TCF4: variants seen among roughly 807,000 people sequenced by gnomAD.
TCF4 encodes SL3-3 enhancer factor 2.
TCF4 carries 3 observed loss-of-function variants against 82.1 expected under a neutral mutation model. That is an observed-to-expected ratio of 0.04 (90% CI 0.02 to 0.09). TCF4 has a LOEUF of 0.09. TCF4 is among the 10% of genes least tolerant of loss of function. The pLI, the probability that TCF4 is intolerant of heterozygous loss-of-function variation, is 1.00. For synonymous variants in TCF4, 276 were observed against 309.6 expected, an observed-to-expected ratio of 0.89 and a Z score of 1.14; for missense variants, 518 against 852.7, an observed-to-expected ratio of 0.61 and a Z score of 4.89.
chr18:55,259,333 G>A (rs2057544049), intron 13 of TCF4, among the ~76,000 whole-genome samples: 2 of 152,088 alleles, frequency 1.3e-5, no homozygotes, highest in Admixed American at 1.3e-4. Flanking sequence ...ACGGACCCCT[G>A]AAAAGTGAAA....
intron 5 of TCF4, among the ~76,000 whole-genome samples, chr18:55,457,639 C>T (rs2095790738): frequency 6.6e-6 from 1 of 152,142 alleles, no homozygotes; most frequent in Non-Finnish European, 1.5e-5. Flanking sequence ...AAGTGTGCCA[C>T]CACGCCTGGC....
chr18:55,427,280 G>T (rs1293381320), intron 5 of TCF4, among the ~76,000 whole-genome samples: 3 of 152,144 alleles, frequency 2.0e-5, no homozygotes, highest in Non-Finnish European at 2.9e-5. Context: ...TGGAAGGGGA[G>T]CCTGGAAATA....
chr18:55,529,719 C>G (rs1293019289), intron 3 of TCF4, among the ~76,000 whole-genome samples: 2 of 152,104 alleles, frequency 1.3e-5, no homozygotes, highest in Non-Finnish European at 2.9e-5. Context: ...TCCGCGATGG[C>G]TACAGTAACA....
At chr18:55,327,401 A>G (rs1047677382) in intron 8 of TCF4, among the ~76,000 whole-genome samples, 2 of 152,136 alleles carry the variant, frequency 1.3e-5, no homozygotes, top group African/African-American at 2.4e-5. Flanking sequence ...ACTTTTAACT[A>G]TTTACATGGT....
chr18:55,351,837 A>G, intron 6 of TCF4: 1 of 922,640 alleles, frequency 1.1e-6, no homozygotes, highest in Non-Finnish European at 1.3e-6. Flanking sequence ...CATTGAACAC[A>G]TTGTTCTTTT....
chr18:55,394,128 AT>A (rs2093346276), intron 6 of TCF4, among the ~76,000 whole-genome samples: 1 of 152,216 alleles, frequency 6.6e-6, no homozygotes, highest in Admixed American at 6.5e-5. Context: ...CTGCAGGTAT[AT>A]TACAGAGATG....
chr18:55,320,414 A>G (rs377346056), intron 8 of TCF4, among the ~76,000 whole-genome samples: 2 of 152,352 alleles, frequency 1.3e-5, no homozygotes, highest in African/African-American at 4.8e-5. Flanking sequence ...AAACGATATT[A>G]TTTCAAGTTG....
chr18:55,382,596 G>C (rs2092090391), intron 6 of TCF4, among the ~76,000 whole-genome samples: 1 of 152,026 alleles, frequency 6.6e-6, no homozygotes, highest in East Asian at 1.9e-4. Flanking sequence ...TAAGCACGCA[G>C]GTGAGTCATG....
intron 5 of TCF4, among the ~76,000 whole-genome samples, chr18:55,454,644 A>T (rs1269105374): frequency 6.6e-6 from 1 of 152,216 alleles, no homozygotes; most frequent in East Asian, 1.9e-4. Flanking sequence ...CATTTGGAAA[A>T]CACATCACTG....
At chr18:55,537,483 AAAACGCTG>A (rs1259377086) in intron 3 of TCF4, among the ~76,000 whole-genome samples, 15 of 151,908 alleles carry the variant, frequency 9.9e-5, no homozygotes, top group African/African-American at 3.6e-4. Context: ...CCAACTACTC[AAAACGCTG>A]AAGTGGGAGG....
chr18:55,380,470 A>G (rs1240236653), intron 6 of TCF4, among the ~76,000 whole-genome samples: 1 of 151,874 alleles, frequency 6.6e-6, no homozygotes. Flanking sequence ...TTATAAGGAC[A>G]TTAATTCCTT....
chr18:55,252,540 G>A (rs1233378939), intron 15 of TCF4, among the ~76,000 whole-genome samples: 2 of 151,924 alleles, frequency 1.3e-5, no homozygotes, highest in Non-Finnish European at 2.9e-5. Context: ...TCCCACCTCT[G>A]AATCTGACTC....
At chr18:55,587,938 CGGCGCGGGA>C in intron 1 of TCF4, 91 bp downstream of exon 1, 1 of 934,966 alleles carries the variant, frequency 1.1e-6, no homozygotes, top group Non-Finnish European at 1.3e-6. Context: ...CGGGAGCCCG[CGGCGCGGGA>C]GGCGCGGAGC....
rs751190049 is a variant in TCF4 at position 55,228,952 on chromosome 18, C to T, written c.1774G>A (p.Gly592Ser). Residue 592 changes from glycine (G) to serine (S), a missense_variant, in exon 18 of 20, where the codon GGC becomes AGC. By Grantham distance (56) the Gly-to-Ser change is moderately conservative (BLOSUM62 0). This residue lies in a region of TCF4 where 18 missense variants were observed against 116.7 expected (regional missense o/e 0.15). Transcript: ENST00000354452. The part of the protein sequence containing the change: ...RDINEAFKEL[G>S]RMVQLHLKSD... ...TTGAGGTGGAGCTGCACCATGCGGCCGAGCTCTTTGAAAGCCTCGTTGATG... is the reference window on the plus strand; with the variant it reads ...TTGAGGTGGAGCTGCACCATGCGGCTGAGCTCTTTGAAAGCCTCGTTGATG... 6.2e-7 allele frequency: 1 copy of T among 1,614,116 alleles called. No homozygotes were observed. The highest frequency in any genetic ancestry group is 8.5e-7 in the Non-Finnish European group (1 of 1,180,018).
chr18:55,245,367 T>C (rs2052722546), intron 15 of TCF4, among the ~76,000 whole-genome samples: 3 of 152,250 alleles, frequency 2.0e-5, no homozygotes, highest in Admixed American at 2.0e-4. Flanking sequence ...TCCAGTATTT[T>C]CTGTTTTGGT....
intron 8 of TCF4, among the ~76,000 whole-genome samples, chr18:55,332,599 T>C (rs1337502889): frequency 6.6e-6 from 1 of 152,256 alleles, no homozygotes; most frequent in Non-Finnish European, 1.5e-5. Flanking sequence ...CTCTGATTTG[T>C]ACAACTACAT....
chr18:55,582,863 T>C (rs1426753067), intron 3 of TCF4, among the ~76,000 whole-genome samples: 1 of 152,136 alleles, frequency 6.6e-6, no homozygotes, highest in East Asian at 1.9e-4. Context: ...CAATGGATAT[T>C]AACTTGAGGT....
Position 55,302,593 on chromosome 18 carries a change from A to G in TCF4, c.550-22937T>C. The G allele has an allele frequency of 2.0e-6, 3 of 1,531,500 alleles. No homozygotes were observed. In the South Asian group the frequency reaches 3.6e-5, roughly 18 times the overall value. The allele number at this position is 1,531,500 out of a possible 1,614,324, so 94.9% of individuals were successfully genotyped here. On this transcript the variant is annotated intron_variant, in intron 8 of 19. Transcript: ENST00000354452. ...CAGCCCAGAATTCATAATGGGAGGG[A>G]GAGAGGGAACTTCATGCTGGATATA...
chr18:55,501,836 T>A (rs758831552), intron 3 of TCF4, among the ~76,000 whole-genome samples: 1 of 152,162 alleles, frequency 6.6e-6, no homozygotes, highest in Non-Finnish European at 1.5e-5. Context: ...AGCTGTGTCT[T>A]CTTTCAACAG....
Sources: gnomAD v4.1 joint callset for allele counts (sites outside exome capture counted in the v4.1 genomes callset) on GRCh38, gnomAD v4.1.1 for gene constraint, gnomAD v4.1.1 regional missense constraint, MANE v1.5 for transcripts, NCBI Gene and HGNC (gene_info 2026-07-23, HGNC 2026-07-21) for gene names.